Variants in COL25A1 observed in about 807,000 individuals in gnomAD.
COL25A1 encodes collagen type XXV alpha 1 chain.
A neutral mutation model predicts 128.4 loss-of-function variants in COL25A1; 103 were observed. The observed-to-expected ratio is 0.80, with a 90% CI of 0.68 to 0.94. COL25A1 has a LOEUF of 0.94. Among genes scored for constraint, COL25A1 ranks in the 40% least tolerant of loss-of-function variants. COL25A1 has a pLI of 0.00. For synonymous variants in COL25A1, 279 were observed against 277.2 expected, an observed-to-expected ratio of 1.01 and a Z score of -0.06; for missense variants, 745 against 840.0, an observed-to-expected ratio of 0.89 and a Z score of 1.40.
At chr4:109,170,523 C>T in intron 3 of COL25A1, among the ~76,000 whole-genome samples, 1 of 152,082 alleles carries the variant, frequency 6.6e-6, no homozygotes, top group Middle Eastern at 3.2e-3. Context: ...AAACAAAAAA[C>T]CTGGCTCCTG....
Position 109,244,398 on chromosome 4 carries a change from C to T in COL25A1, c.367+56185G>A, listed in dbSNP as rs556369117. On this transcript the variant is annotated intron_variant, in intron 3 of 37. Coordinates refer to ENST00000399132, the MANE Select transcript of COL25A1 (RefSeq NM_198721.4). ...CTTTGTAGGCCTTCCTATGATTATG[C>T]TTCATTTAAAAGTACTCACAAGATC... Among the ~76,000 whole-genome samples the T allele has an allele frequency of 3.9e-5, 6 of 152,096 alleles. 1 individual carries two copies. The East Asian group carries it at 1.2e-3, about 29-fold the overall frequency.
intron 3 of COL25A1, among the ~76,000 whole-genome samples, chr4:109,108,406 A>G (rs983077982): frequency 6.6e-6 from 1 of 152,134 alleles, no homozygotes; most frequent in African/African-American, 2.4e-5. Context: ...TATATGTGCC[A>G]CATTTTCTTA....
chr4:109,275,706 G>A (rs1296550141), intron 3 of COL25A1, among the ~76,000 whole-genome samples: 1 of 152,132 alleles, frequency 6.6e-6, no homozygotes, highest in Non-Finnish European at 1.5e-5. Context: ...TCATAGAAAC[G>A]ACTATTCCTA....
At chr4:109,048,071 A>G in intron 5 of COL25A1, 97 bp downstream of exon 5, 1 of 1,339,050 alleles carries the variant, frequency 7.5e-7, no homozygotes, top group Non-Finnish European at 1.1e-6. Flanking sequence ...ACATTTTTCT[A>G]ATAGACATAG....
chr4:108,959,439 C>T (rs1479710383), intron 8 of COL25A1, among the ~76,000 whole-genome samples: 2 of 152,090 alleles, frequency 1.3e-5, no homozygotes, highest in African/African-American at 4.8e-5. Flanking sequence ...AGGAAGATTG[C>T]ACCAAATAGT....
chr4:109,000,442 T>TTA (rs1755235511), intron 6 of COL25A1, among the ~76,000 whole-genome samples: 1 of 152,086 alleles, frequency 6.6e-6, no homozygotes, highest in Non-Finnish European at 1.5e-5. Flanking sequence ...TCTATTTTAA[T>TTA]TGTAAAGTGT....
At chr4:108,995,384 A>G (rs1005955018) in intron 6 of COL25A1, among the ~76,000 whole-genome samples, 9 of 152,244 alleles carry the variant, frequency 5.9e-5, no homozygotes, top group Admixed American at 1.3e-4. Context: ...TGAAGATCAA[A>G]TTAATGAAAT....
chr4:108,992,831 TTG>T (rs1754351878), intron 6 of COL25A1, among the ~76,000 whole-genome samples: 1 of 42,924 alleles, frequency 2.3e-5, no homozygotes, highest in Admixed American at 3.2e-4. Context: ...TTTGTTTGTT[TTG>T]TTTTTTTTTT....
rs191918763 is a variant in COL25A1 at position 109,054,965 on chromosome 4, G to A, written c.368-4786C>T. On this transcript the variant is annotated intron_variant, in intron 3 of 37. Coordinates refer to ENST00000399132, the MANE Select transcript of COL25A1 (RefSeq NM_198721.4). ...ACCTGTCTGGGCACAGGGAGACAGC[G>A]GATCATCCTTTCTGAACCAACCTCC... Among the ~76,000 whole-genome samples, 182 of 152,270 alleles carry A rather than the reference G, an allele frequency of 1.2e-3. 1 individual carries two copies. Among genetic ancestry groups the A allele is most frequent in the African/African-American group, 4.1e-3 (172 of 41,560 alleles).
At chr4:108,832,608 C>CA (rs1271439469) in intron 31 of COL25A1, 175 bp from the exon 32 acceptor site, 14 of 557,274 alleles carry the variant, frequency 2.5e-5, no homozygotes, top group Admixed American at 2.1e-4. Context: ...GAAACTCATG[C>CA]AAAAAGGATG....
chr4:109,009,651 TTAAAAG>T (rs1166912990), intron 6 of COL25A1, among the ~76,000 whole-genome samples: 1 of 152,210 alleles, frequency 6.6e-6, no homozygotes, highest in Non-Finnish European at 1.5e-5. Context: ...CACTACAGTA[TTAAAAG>T]TAAAACATTA....
At chr4:108,989,524 T>A (rs1465843416) in intron 6 of COL25A1, among the ~76,000 whole-genome samples, 1 of 152,218 alleles carries the variant, frequency 6.6e-6, no homozygotes, top group Non-Finnish European at 1.5e-5. Flanking sequence ...TCTGCGTATT[T>A]TTTATTAAAA....
intron 21 of COL25A1, among the ~76,000 whole-genome samples, 157 bp from the exon 22 acceptor site, chr4:108,862,702 A>C (rs1737404690): frequency 6.6e-6 from 1 of 152,246 alleles, no homozygotes; most frequent in South Asian, 2.1e-4. Flanking sequence ...CGGTTATTAT[A>C]ATACTAAACA....
chr4:109,150,464 G>A (rs1771392644), intron 3 of COL25A1, among the ~76,000 whole-genome samples: 1 of 152,122 alleles, frequency 6.6e-6, no homozygotes, highest in Non-Finnish European at 1.5e-5. Context: ...ATGTTGCATA[G>A]CAAGAACTTT....
At chr4:109,214,448 A>G (rs2126201298) in intron 3 of COL25A1, among the ~76,000 whole-genome samples, 1 of 152,268 alleles carries the variant, frequency 6.6e-6, no homozygotes, top group South Asian at 2.1e-4. Flanking sequence ...CAGTAACACT[A>G]AGAAACACTA....
At chr4:109,259,280 T>C (rs1226861282) in intron 3 of COL25A1, among the ~76,000 whole-genome samples, 1 of 152,042 alleles carries the variant, frequency 6.6e-6, no homozygotes, top group Non-Finnish European at 1.5e-5. Context: ...TCAATGAAGG[T>C]TTTTAGATAC....
chr4:109,178,996 G>A (rs554702035), intron 3 of COL25A1, among the ~76,000 whole-genome samples: 5 of 151,836 alleles, frequency 3.3e-5, no homozygotes, highest in African/African-American at 1.2e-4. Context: ...CAAACAAGTA[G>A]GAATATATTC....
intron 3 of COL25A1, among the ~76,000 whole-genome samples, chr4:109,110,259 C>G (rs1303615043): frequency 6.6e-6 from 1 of 152,148 alleles, no homozygotes; most frequent in African/African-American, 2.4e-5. Flanking sequence ...CTGTACCCAG[C>G]GTTGATCTTC....
At position 109,228,938 on chromosome 4, in the gene COL25A1, C is replaced by T. The variant is rs182029650; in HGVS notation, c.367+71645G>A. Among the ~76,000 whole-genome samples, 54 of 152,282 alleles carry T rather than the reference C, an allele frequency of 3.5e-4. 1 individual carries two copies. Among genetic ancestry groups the T allele is most frequent in the African/African-American group, 1.3e-3 (52 of 41,576 alleles). Reference sequence around the variant, plus strand: ...ATTTACATCATTCTTCAAACAAAATCTATTTTTAAACGCCCAACTGCATAA... The same window carrying T: ...ATTTACATCATTCTTCAAACAAAATTTATTTTTAAACGCCCAACTGCATAA... On this transcript the variant is annotated intron_variant, in intron 3 of 37. Transcript: ENST00000399132.
Sources: gnomAD v4.1 joint callset for allele counts (sites outside exome capture counted in the v4.1 genomes callset) on GRCh38, gnomAD v4.1.1 for gene constraint, MANE v1.5 for transcripts, NCBI Gene and HGNC (gene_info 2026-07-23, HGNC 2026-07-21) for gene names.